The following MYOZ2 variants were observed in gnomAD, a reference collection of about 807,000 sequenced individuals.
MYOZ2 encodes myozenin-2.
A neutral mutation model predicts 25.4 loss-of-function variants in MYOZ2; 19 were observed. The observed-to-expected ratio is 0.75, with a 90% CI of 0.52 to 1.10. The LOEUF (loss-of-function observed/expected upper bound fraction) is 1.10, where lower values mean the gene tolerates loss of function less well. Ranked by LOEUF, MYOZ2 falls within the 50% of genes least tolerant of loss-of-function variation. The pLI is 0.00. For synonymous variants in MYOZ2, 92 were observed against 106.9 expected (o/e 0.86, Z 0.86); for missense variants, 270 against 317.9 (o/e 0.85, Z 1.15).
At chr4:119,150,526 G>T (rs895084144) in intron 2 of MYOZ2, among the ~76,000 whole-genome samples, 2 of 151,602 alleles carry the variant, frequency 1.3e-5, no homozygotes, top group African/African-American at 4.8e-5. Context: ...CAGAGTTTAT[G>T]AATGTAACTA....
intron 5 of MYOZ2, among the ~76,000 whole-genome samples, chr4:119,176,704 T>C (rs1314995583): frequency 6.6e-6 from 1 of 152,218 alleles, no homozygotes; most frequent in Non-Finnish European, 1.5e-5. Flanking sequence ...AGAGATTAAT[T>C]TGAAAAAGAA....
At chr4:119,158,548 C>T (rs757930357) in intron 4 of MYOZ2, among the ~76,000 whole-genome samples, 1 of 151,830 alleles carries the variant, frequency 6.6e-6, no homozygotes, top group Non-Finnish European at 1.5e-5. Context: ...AGAGTAAGAC[C>T]CTGACTCAAA....
chr4:119,155,962 C>T (rs1160248003), intron 3 of MYOZ2, among the ~76,000 whole-genome samples: 2 of 152,042 alleles, frequency 1.3e-5, no homozygotes, highest in South Asian at 2.1e-4. Flanking sequence ...AGCTAATATT[C>T]GCTGACTGCT....
At position 119,138,743 on chromosome 4, in the gene MYOZ2, T is replaced by C. The variant is rs1741093935; in HGVS notation, c.76+2142T>C. ...CAGAATTTTTTTTCAGCCTCATAACTCATTTAATTTTTATTACTACTTACC... is the reference window on the plus strand; with the variant it reads ...CAGAATTTTTTTTCAGCCTCATAACCCATTTAATTTTTATTACTACTTACC... On this transcript the variant is annotated intron_variant, in intron 2 of 5. Coordinates refer to ENST00000307128, the MANE Select transcript of MYOZ2 (RefSeq NM_016599.5). Among the ~76,000 whole-genome samples, 4 of 152,250 alleles carry C rather than the reference T, an allele frequency of 2.6e-5. No individual in the cohort carries two copies. In the South Asian group the frequency reaches 8.3e-4, roughly 32 times the overall value.
At chr4:119,162,454 GT>G (rs1741732570) in intron 4 of MYOZ2, among the ~76,000 whole-genome samples, 4 of 152,182 alleles carry the variant, frequency 2.6e-5, no homozygotes. Flanking sequence ...TAAAGGATTA[GT>G]GTTGAAGCTG....
intron 3 of MYOZ2, among the ~76,000 whole-genome samples, chr4:119,155,100 GAAGA>G (rs570962404): frequency 2.0e-3 from 298 of 152,234 alleles, no homozygotes; most frequent in Non-Finnish European, 3.4e-3. Flanking sequence ...AGGAAGGAAG[GAAGA>G]GAGAGGAGGG....
At chr4:119,145,683 T>A (rs1741277642) in intron 2 of MYOZ2, among the ~76,000 whole-genome samples, 1 of 152,116 alleles carries the variant, frequency 6.6e-6, no homozygotes, top group Non-Finnish European at 1.5e-5. Flanking sequence ...CCTGTCTGTG[T>A]GTGTTGTCTT....
intron 5 of MYOZ2, among the ~76,000 whole-genome samples, chr4:119,179,648 A>AGCT (rs1561133109): frequency 6.6e-6 from 1 of 152,116 alleles, no homozygotes; most frequent in Non-Finnish European, 1.5e-5. Flanking sequence ...TAGTTTGTGC[A>AGCT]GCTGTAACAA....
intron 3 of MYOZ2, among the ~76,000 whole-genome samples, chr4:119,156,492 G>A (rs1366619696): frequency 6.6e-6 from 1 of 151,996 alleles, no homozygotes; most frequent in East Asian, 1.9e-4. Context: ...TTGCAATTAG[G>A]CATGCGATGT....
chr4:119,163,795 C>G (rs56083532), intron 4 of MYOZ2, among the ~76,000 whole-genome samples: 34,853 of 151,820 alleles, frequency 0.23, 4,659 homozygotes, highest in South Asian at 0.36. Flanking sequence ...GAGATTTTGT[C>G]TGCATTGCGA....
chr4:119,167,795 G>A (rs1009739592), intron 5 of MYOZ2, among the ~76,000 whole-genome samples: 6 of 152,202 alleles, frequency 3.9e-5, no homozygotes, highest in Non-Finnish European at 5.9e-5. Flanking sequence ...CTTTATAAAT[G>A]GAAAAGCAAA....
intron 5 of MYOZ2, among the ~76,000 whole-genome samples, chr4:119,172,724 G>T (rs1578743078): frequency 6.6e-6 from 1 of 152,190 alleles, no homozygotes; most frequent in East Asian, 1.9e-4. Context: ...GCAGGAAGGG[G>T]ATTTGTTTTG....
chr4:119,155,032 C>T (rs1741542275), intron 3 of MYOZ2, among the ~76,000 whole-genome samples: 1 of 152,002 alleles, frequency 6.6e-6, no homozygotes, highest in Admixed American at 6.6e-5. Context: ...GGTAAGGGCC[C>T]CTGGAAACTT....
chr4:119,164,332 A>G lies in MYOZ2; in HGVS notation c.498A>G (p.Leu166=). ...ISNDPELLEA[L]YPKLFKPEGK... ...ATGATCCGGAGCTTTTAGAGGCTTT[A>G]TATCCTAAACTTTTCAAGCCTGAAG... The change falls in exon 5 of 6, where the codon TTA becomes TTG. Residue 166 remains leucine, a synonymous_variant. Transcript: ENST00000307128. 1 of 1,614,076 alleles carries G rather than the reference A, an allele frequency of 6.2e-7. No homozygotes were observed. The highest frequency in any genetic ancestry group is 8.5e-7 in the Non-Finnish European group (1 of 1,179,984).
chr4:119,146,305 TG>T (rs1368929182), intron 2 of MYOZ2, among the ~76,000 whole-genome samples: 1 of 152,012 alleles, frequency 6.6e-6, no homozygotes, highest in Non-Finnish European at 1.5e-5. Flanking sequence ...TTAGATTTTT[TG>T]GGGTAGACAC....
At chr4:119,140,620 G>A (rs1741142163) in intron 2 of MYOZ2, among the ~76,000 whole-genome samples, 1 of 152,112 alleles carries the variant, frequency 6.6e-6, no homozygotes, top group African/African-American at 2.4e-5. Flanking sequence ...AGAGAACTAG[G>A]CTAAATTGTA....
chr4:119,144,297 G>T (rs754427397), intron 2 of MYOZ2, among the ~76,000 whole-genome samples: 4 of 152,136 alleles, frequency 2.6e-5, no homozygotes, highest in African/African-American at 4.8e-5. Flanking sequence ...TCAATGATTT[G>T]TTCCCTTTTG....
chr4:119,149,343 C>T (rs1741392451), intron 2 of MYOZ2, among the ~76,000 whole-genome samples: 1 of 152,248 alleles, frequency 6.6e-6, no homozygotes. Context: ...TACAGCCTCA[C>T]AGGGTGAAAT....
At chr4:119,168,683 AAACAACAAC>A (rs150292392) in intron 5 of MYOZ2, among the ~76,000 whole-genome samples, 3,077 of 150,928 alleles carry the variant, frequency 0.02, 105 homozygotes, top group African/African-American at 0.072. Context: ...AACAACAACA[AAACAACAAC>A]AACAACAACA....
Sources: gnomAD v4.1 joint callset for allele counts (sites outside exome capture counted in the v4.1 genomes callset) on GRCh38, gnomAD v4.1.1 for gene constraint, MANE v1.5 for transcripts, NCBI Gene and HGNC (gene_info 2026-07-23, HGNC 2026-07-21) for gene names.